Variants in IPO11 observed in about 807,000 individuals in gnomAD.
The protein encoded by IPO11 is importin-11.
IPO11 carries 66 observed loss-of-function variants against 143.2 expected under a neutral mutation model. That is an observed-to-expected ratio of 0.46 (90% CI 0.38 to 0.57). The LOEUF (loss-of-function observed/expected upper bound fraction) is 0.57. IPO11 is among the 20% of genes least tolerant of loss of function. IPO11 has a pLI of 0.00. For missense variants in IPO11, 1,026 were observed against 1,141.0 expected (o/e 0.90, Z 1.45); for synonymous variants, 385 against 377.8 (o/e 1.02, Z -0.22).
chr5:62,423,658 T>A (rs1743595838), intron 1 of IPO11, among the ~76,000 whole-genome samples: 1 of 152,198 alleles, frequency 6.6e-6, no homozygotes, highest in Non-Finnish European at 1.5e-5. Context: ...ATTATCAACT[T>A]CATTTCGTCT....
intron 20 of IPO11, among the ~76,000 whole-genome samples, chr5:62,518,572 C>A (rs768320147): frequency 6.6e-5 from 10 of 152,080 alleles, no homozygotes; most frequent in Admixed American, 3.3e-4. Flanking sequence ...CAAGATCACA[C>A]CCCTGCACTC....
intron 16 of IPO11, among the ~76,000 whole-genome samples, chr5:62,502,457 A>G (rs1249927083): frequency 6.6e-6 from 1 of 151,950 alleles, no homozygotes; most frequent in African/African-American, 2.4e-5. Flanking sequence ...TGTTTTTCTT[A>G]TGTTTATTTG....
In IPO11 at chr5:62,453,996, G is replaced by A. The variant is rs1310244406; in HGVS notation, c.516+2063G>A. 8.5e-5 allele frequency among the ~76,000 whole-genome samples: 13 copies of A among 152,060 alleles called. No individual in the cohort carries two copies. The East Asian group carries it at 1.2e-3, about 14-fold the overall frequency. On this transcript the variant is annotated intron_variant, in intron 5 of 29. Transcript: ENST00000325324. ...AAATACAAAAAAAAAATAGCCGGGC[G>A]TGGTGGCACGCGCCTGTAGTCCCAG...
rs372665845 is a variant in IPO11, at chr5:62,483,244, T to G, written c.972T>G (p.Ile324Met). ...TCATTGTCCAATGTATGAATCTTAT[T>G]AAGATGATTGTCAAAAATTATGCTT... ...ERFIVQCMNL[I>M]KMIVKNYAYK... The change falls in exon 10 of 30, where the codon ATT becomes ATG. Residue 324 changes from isoleucine (I) to methionine (M), a missense_variant. Physicochemically the swap from Ile to Met is conservative, Grantham distance 10. Coordinates refer to ENST00000325324, the MANE Select transcript of IPO11 (RefSeq NM_016338.5). 6.2e-7 allele frequency: 1 copy of G among 1,606,532 alleles called. No individual in the cohort carries two copies. The highest frequency in any genetic ancestry group is 1.3e-5 in the African/African-American group (1 of 74,734).
intron 1 of IPO11, among the ~76,000 whole-genome samples, chr5:62,428,754 C>G (rs1196686652): frequency 6.6e-6 from 1 of 152,084 alleles, no homozygotes; most frequent in Non-Finnish European, 1.5e-5. Context: ...AAGTCAGACT[C>G]CTGGGCTCCT....
At chr5:62,561,291 C>T in intron 27 of IPO11, 34 bp downstream of exon 27, 1 of 1,270,722 alleles carries the variant, frequency 7.9e-7, no homozygotes, top group East Asian at 2.6e-5. Context: ...TTGTTTCTTT[C>T]AAGCATCAAA....
At chr5:62,454,051 C>T (rs1278370384) in intron 5 of IPO11, among the ~76,000 whole-genome samples, 1 of 152,116 alleles carries the variant, frequency 6.6e-6, no homozygotes, top group African/African-American at 2.4e-5. Flanking sequence ...AGGAGAATGA[C>T]GTGAACCTAG....
intron 9 of IPO11, among the ~76,000 whole-genome samples, chr5:62,478,037 CTT>C (rs1405591407): frequency 2.2e-4 from 33 of 152,096 alleles, no homozygotes; most frequent in Non-Finnish European, 4.0e-4. Context: ...CACAGTCAGT[CTT>C]ACTTTGTCTG....
chr5:62,494,203 GTCTTT>G, intron 16 of IPO11, 79 bp downstream of exon 16: 1 of 1,313,620 alleles, frequency 7.6e-7, no homozygotes, highest in Admixed American at 2.3e-5. Flanking sequence ...AACAGTTTAT[GTCTTT>G]TCTTTATGAT....
intron 5 of IPO11, among the ~76,000 whole-genome samples, chr5:62,461,806 G>T (rs940358353): frequency 2.0e-5 from 3 of 152,006 alleles, no homozygotes; most frequent in Non-Finnish European, 4.4e-5. Flanking sequence ...GCAATGCTTG[G>T]GAACAGAAAT....
rs1742368408 is a variant in IPO11, at chr5:62,526,315, C to T, written c.2012+58C>T. 4.9e-6 allele frequency: 6 copies of T among 1,214,038 alleles called. No individual in the cohort carries two copies. In the Admixed American group the frequency reaches 1.1e-4, roughly 21 times the overall value. 75.2% of individuals were successfully genotyped at this position (1,214,038 alleles called of 1,614,324 possible). A position where few individuals can be genotyped will look rare whatever the true frequency, so the allele number is the denominator to read the frequency against. ...TTTTATTCGTGACCTTTCCTACTCT[C>T]ATGCCAGTAAAGTTAAGGTCATGTA... On this transcript the variant is annotated intron_variant, in intron 21 of 29. Transcript: ENST00000325324.
chr5:62,547,639 G>T (rs1300950813), intron 24 of IPO11, among the ~76,000 whole-genome samples: 1 of 151,890 alleles, frequency 6.6e-6, no homozygotes, highest in Admixed American at 6.6e-5. Context: ...TGAAATATTT[G>T]TGTATACGAC....
At chr5:62,536,856 C>A in intron 23 of IPO11, 75 bp downstream of exon 23, 1 of 1,316,928 alleles carries the variant, frequency 7.6e-7, no homozygotes. Context: ...TCAGGGGGTA[C>A]GTTTTCAAAA....
chr5:62,428,393 G>T (rs1282197719), intron 1 of IPO11, among the ~76,000 whole-genome samples: 2 of 151,984 alleles, frequency 1.3e-5, no homozygotes, highest in Non-Finnish European at 2.9e-5. Context: ...GCCCAGGCTG[G>T]AGTGCCGTGG....
intron 19 of IPO11, among the ~76,000 whole-genome samples, chr5:62,508,187 C>T (rs1453770564): frequency 5.3e-5 from 8 of 151,994 alleles, no homozygotes; most frequent in Non-Finnish European, 7.4e-5. Flanking sequence ...AGTGCAGTGG[C>T]GCATCTCAGC....
chr5:62,610,325 A>C (rs765719763), intron 29 of IPO11, among the ~76,000 whole-genome samples: 1 of 152,170 alleles, frequency 6.6e-6, no homozygotes, highest in African/African-American at 2.4e-5. Flanking sequence ...TGATCTTTAC[A>C]AAGTTTGTAG....
chr5:62,485,642 C>G (rs1360271320), intron 12 of IPO11, among the ~76,000 whole-genome samples, 180 bp downstream of exon 12: 1 of 151,640 alleles, frequency 6.6e-6, no homozygotes, highest in Non-Finnish European at 1.5e-5. Flanking sequence ...AATTCAAGAC[C>G]GGCCTGGTAA....
chr5:62,513,880 C>T (rs1189261532), intron 19 of IPO11, among the ~76,000 whole-genome samples: 3 of 147,970 alleles, frequency 2.0e-5, no homozygotes, highest in East Asian at 4.2e-4. Context: ...TCAGACGGGG[C>T]GGCCGGGCAG....
intron 27 of IPO11, among the ~76,000 whole-genome samples, chr5:62,578,077 G>A (rs1308717207): frequency 6.6e-6 from 1 of 151,810 alleles, no homozygotes; most frequent in African/African-American, 2.4e-5. Context: ...GATATATATA[G>A]GGCGAAACAT....
Sources: allele counts gnomAD v4.1 joint callset (sites outside exome capture counted in the v4.1 genomes callset), GRCh38; gene constraint gnomAD v4.1.1; transcripts MANE v1.5; gene names NCBI Gene and HGNC (gene_info 2026-07-23, HGNC 2026-07-21).